GRK5: variants seen among roughly 807,000 people sequenced by gnomAD.
GRK5 encodes the protein g protein-coupled receptor kinase GRK5.
GRK5 carries 40 observed loss-of-function variants against 78.4 expected under a neutral mutation model. The observed-to-expected ratio is 0.51, with a 90% CI of 0.40 to 0.66. GRK5 has a LOEUF of 0.66. Among genes scored for constraint, GRK5 ranks in the 30% least tolerant of loss-of-function variants. GRK5 has a pLI of 0.00. For missense variants in GRK5, 598 were observed against 759.9 expected (o/e 0.79, Z 2.50); for synonymous variants, 289 against 296.8 (o/e 0.97, Z 0.27).
At chr10:119,317,683 CAG>C (rs1850516099) in intron 1 of GRK5, among the ~76,000 whole-genome samples, 1 of 152,120 alleles carries the variant, frequency 6.6e-6, no homozygotes, top group African/African-American at 2.4e-5. Flanking sequence ...GCGACCTTGT[CAG>C]AGTCAGAGCC....
At chr10:119,380,711 T>G (rs1344870788) in intron 2 of GRK5, 104 bp from the exon 3 acceptor site, 1 of 670,678 alleles carries the variant, frequency 1.5e-6, no homozygotes, top group East Asian at 2.5e-5. Context: ...GCCAGTCACC[T>G]TCCTCCATCC....
rs572110114 is a variant in GRK5 at position 119,445,694 on chromosome 10, G to A, written c.1266+1942G>A. On this transcript the variant is annotated intron_variant, in intron 12 of 15. Transcript: ENST00000392870. The surrounding 1 kb of genome is among the most constrained non-coding windows in gnomAD (Gnocchi z 4.1). ...TCACGCCCTTGACTGCAGCATCTCCGGCATCTAGGCCTACCTTGTCCCCTC... is the reference window on the plus strand; with the variant it reads ...TCACGCCCTTGACTGCAGCATCTCCAGCATCTAGGCCTACCTTGTCCCCTC... Among the ~76,000 whole-genome samples the A allele has an allele frequency of 9.9e-5, 15 of 152,264 alleles. No homozygotes were observed. In the East Asian group the frequency reaches 2.5e-3, roughly 25 times the overall value.
chr10:119,261,903 G>A (rs1218411915), intron 1 of GRK5, among the ~76,000 whole-genome samples: 1 of 151,238 alleles, frequency 6.6e-6, no homozygotes, highest in Non-Finnish European at 1.5e-5. Context: ...GAGAGGGAGA[G>A]GGAGACCATG....
At chr10:119,289,950 T>TTA (rs924057943) in intron 1 of GRK5, among the ~76,000 whole-genome samples, 24 of 152,164 alleles carry the variant, frequency 1.6e-4, no homozygotes, top group African/African-American at 5.8e-4. Flanking sequence ...ACTTACCGGC[T>TTA]GAGTACAGAA....
intron 1 of GRK5, among the ~76,000 whole-genome samples, chr10:119,209,122 A>G (rs566092630): frequency 6.6e-6 from 1 of 152,298 alleles, no homozygotes; most frequent in Admixed American, 6.5e-5. Context: ...TGATGAATGA[A>G]GGGAAGAATT....
rs1849230938 is a variant in GRK5, at chr10:119,253,291, T to C, written c.52+45322T>C. 6.6e-6 allele frequency among the ~76,000 whole-genome samples: 1 copy of C among 152,122 alleles called. No homozygotes were observed. The highest frequency in any genetic ancestry group is 1.5e-5 in the Non-Finnish European group (1 of 68,014). On this transcript the variant is annotated intron_variant, in intron 1 of 15. Transcript: ENST00000392870. The surrounding 1 kb of genome is among the most constrained non-coding windows in gnomAD (Gnocchi z 5.7). ...GGAAGATTGGAGCATCTGTGAACTA[T>C]CTCCAGTTCAGCATTGCATTAGAAA...
At chr10:119,256,384 TC>T (rs1849286191) in intron 1 of GRK5, among the ~76,000 whole-genome samples, 1 of 152,076 alleles carries the variant, frequency 6.6e-6, no homozygotes, top group Non-Finnish European at 1.5e-5. Context: ...CCACTTCTTG[TC>T]CCCTGGTCCC....
chr10:119,380,619 G>A (rs903875344), intron 2 of GRK5, among the ~76,000 whole-genome samples, 196 bp from the exon 3 acceptor site: 1 of 152,226 alleles, frequency 6.6e-6, no homozygotes, highest in African/African-American at 2.4e-5. Context: ...TAGAGGCTGG[G>A]TCATCACTGG....
chr10:119,446,419 C>T (rs537976313), intron 12 of GRK5, among the ~76,000 whole-genome samples: 272 of 152,318 alleles, frequency 1.8e-3, no homozygotes, highest in African/African-American at 5.4e-3. Context: ...CCCTGGCTGC[C>T]GTCCCACCTG....
At chr10:119,323,427 CAG>C (rs1850620191) in intron 1 of GRK5, among the ~76,000 whole-genome samples, 1 of 152,238 alleles carries the variant, frequency 6.6e-6, no homozygotes, top group African/African-American at 2.4e-5. Flanking sequence ...ACGACCCTCC[CAG>C]GCCTTGCAGC....
At chr10:119,426,744 CA>C (rs759563202) in intron 6 of GRK5, among the ~76,000 whole-genome samples, 3 of 152,062 alleles carry the variant, frequency 2.0e-5, no homozygotes, top group Non-Finnish European at 4.4e-5. Flanking sequence ...GCATCACCGC[CA>C]TCATCAGTAT....
intron 1 of GRK5, among the ~76,000 whole-genome samples, chr10:119,224,593 T>C (rs116918233): frequency 0.02 from 3,055 of 152,134 alleles, 73 homozygotes; most frequent in South Asian, 0.059. Flanking sequence ...CATTTTTTTT[T>C]AGTAGAGATG....
At chr10:119,438,536 G>C (rs1564935400) in intron 9 of GRK5, among the ~76,000 whole-genome samples, 1 of 150,122 alleles carries the variant, frequency 6.7e-6, no homozygotes, top group African/African-American at 2.5e-5. Flanking sequence ...CAAATGAAAA[G>C]AGTCAAAATT....
intron 1 of GRK5, among the ~76,000 whole-genome samples, chr10:119,226,810 C>T (rs1459959148): frequency 6.6e-6 from 1 of 151,656 alleles, no homozygotes; most frequent in African/African-American, 2.4e-5. Context: ...GACCCATCTG[C>T]CTCAGCCTCC....
chr10:119,377,058 C>T (rs1053031969), intron 2 of GRK5, among the ~76,000 whole-genome samples: 2 of 152,058 alleles, frequency 1.3e-5, no homozygotes, highest in African/African-American at 2.4e-5. Flanking sequence ...GTTCTCCCAC[C>T]CCTAAAGATA....
In GRK5 at chr10:119,394,528, G is replaced by A. The variant is rs1245319452; in HGVS notation, c.262-2167G>A. Among the ~76,000 whole-genome samples, 11 of 3,598 alleles carry A rather than the reference G, an allele frequency of 3.1e-3. 2 individuals are homozygous for A. Among genetic ancestry groups the A allele is most frequent in the Non-Finnish European group, 6.3e-3 (10 of 1,580 alleles). 2.4% of individuals were successfully genotyped at this position (3,598 alleles called of 152,430 possible). On this transcript the variant is annotated intron_variant, in intron 3 of 15. Transcript: ENST00000392870. ...GGGCACGTGTGTGTGGGTGTGTGTG[G>A]GTGTGTATCTGTGTGTGGGGGCACG...
At chr10:119,326,660 C>A (rs1333884039) in intron 2 of GRK5, 49 bp downstream of exon 2, 1 of 1,436,498 alleles carries the variant, frequency 7.0e-7, no homozygotes, top group Non-Finnish European at 9.8e-7. Context: ...AGCAGGTGAT[C>A]CGCCAAGCCG....
At position 119,295,062 on chromosome 10, in the gene GRK5, C is replaced by G. The variant is rs562140644; in HGVS notation, c.53-31454C>G. Among the ~76,000 whole-genome samples, 915 of 152,046 alleles carry G rather than the reference C, an allele frequency of 6.0e-3. 9 individuals are homozygous for G. The highest frequency in any genetic ancestry group is 0.011 in the Non-Finnish European group (733 of 67,978). Reference sequence around the variant, plus strand: ...AAAATTAGCCGGGCGTGGTGGCATGCACCTGTAGTCCCAGCTACTCAGGAG... The same window carrying G: ...AAAATTAGCCGGGCGTGGTGGCATGGACCTGTAGTCCCAGCTACTCAGGAG... On this transcript the variant is annotated intron_variant, in intron 1 of 15. Transcript: ENST00000392870.
At chr10:119,424,316 G>A (rs1243932546) in intron 5 of GRK5, among the ~76,000 whole-genome samples, 1 of 152,166 alleles carries the variant, frequency 6.6e-6, no homozygotes, top group East Asian at 1.9e-4. Flanking sequence ...GCCTGTGCTA[G>A]ATTACTCAGT....
Sources: allele counts gnomAD v4.1 joint callset (sites outside exome capture counted in the v4.1 genomes callset), GRCh38; gene constraint gnomAD v4.1.1; non-coding constraint Gnocchi (gnomAD v3.1); transcripts MANE v1.5; gene names NCBI Gene and HGNC (gene_info 2026-07-23, HGNC 2026-07-21).